Variants in TTC22 observed in about 807,000 individuals in gnomAD.
TTC22 encodes the protein tetratricopeptide repeat domain 22, also known as tetratricopeptide repeat protein 22.
A neutral mutation model predicts 48.2 loss-of-function variants in TTC22; 42 were observed. The observed-to-expected ratio is 0.87, with a 90% confidence interval of 0.68 to 1.13. The LOEUF (loss-of-function observed/expected upper bound fraction) is 1.13, where lower values mean the gene tolerates loss of function less well. TTC22 is among the 50% of genes most tolerant of loss of function. The pLI, the probability that TTC22 is intolerant of heterozygous loss-of-function variation, is 0.00. For synonymous variants in TTC22, 345 were observed against 365.5 expected (o/e 0.94, Z 0.64); for missense variants, 784 against 807.0 (o/e 0.97, Z 0.34).
intron 5 of TTC22, chr1:54,784,772 CT>C: frequency 7.7e-7 from 1 of 1,297,012 alleles, no homozygotes; most frequent in African/African-American, 1.5e-5. Flanking sequence ...GATGGGAGGA[CT>C]CTTCGGCTTG....
At chr1:54,782,829 TG>T (rs1646273164) in intron 5 of TTC22, among the ~76,000 whole-genome samples, 1 of 152,198 alleles carries the variant, frequency 6.6e-6, no homozygotes, top group South Asian at 2.1e-4. Flanking sequence ...GTCCCTGCTC[TG>T]GCAGAACTTA....
chr1:54,796,216 G>A (rs1042115952), intron 1 of TTC22, among the ~76,000 whole-genome samples: 5 of 152,282 alleles, frequency 3.3e-5, no homozygotes, highest in African/African-American at 1.2e-4. Context: ...GGACACGCAT[G>A]CGTGCATACC....
chr1:54,788,119 C>A (rs1030472774), intron 1 of TTC22, 22 bp from the exon 2 acceptor site: 1 of 1,612,402 alleles, frequency 6.2e-7, no homozygotes, highest in African/African-American at 1.3e-5. Context: ...GAGAACAGCC[C>A]ACACTGCCAT....
In TTC22 at chr1:54,785,692, A is replaced by G. The variant is rs1028467891; in HGVS notation, c.1020+291T>C. 1.9e-5 allele frequency: 8 copies of G among 416,908 alleles called. No individual in the cohort carries two copies. In the Admixed American group the frequency reaches 2.4e-4, roughly 12 times the overall value. 25.8% of individuals were successfully genotyped at this position (416,908 alleles called of 1,614,324 possible). Reference sequence around the variant, plus strand: ...GCTGGGTGTGGTGGTGTGCACCTGTAGTCCCAGCTATTTGGGAGGCTGAGG... The same window carrying G: ...GCTGGGTGTGGTGGTGTGCACCTGTGGTCCCAGCTATTTGGGAGGCTGAGG... On this transcript the variant is annotated intron_variant, in intron 5 of 6. Transcript: ENST00000371276.
At chr1:54,785,920 G>T in intron 5 of TTC22, 63 bp downstream of exon 5, 1 of 1,532,124 alleles carries the variant, frequency 6.5e-7, no homozygotes, top group Non-Finnish European at 8.9e-7. Flanking sequence ...CAGGGTCTTG[G>T]CCTCTGGCCC....
At chr1:54,791,387 C>A (rs1456897562) in intron 1 of TTC22, among the ~76,000 whole-genome samples, 1 of 152,134 alleles carries the variant, frequency 6.6e-6, no homozygotes. Context: ...GATGGGTGAC[C>A]TTGGGGGATG....
chr1:54,793,096 C>T (rs1646365012), intron 1 of TTC22: 1 of 152,212 alleles, frequency 6.6e-6, no homozygotes, highest in Admixed American at 6.5e-5. Flanking sequence ...CCACCTTTCT[C>T]TCATTCGATC....
intron 5 of TTC22, chr1:54,785,075 C>T (rs1209350898): frequency 5.3e-6 from 1 of 188,756 alleles, no homozygotes; most frequent in East Asian, 1.8e-4. Flanking sequence ...CATAACAACT[C>T]CAGTCTACAG....
chr1:54,782,462 A>G lies in TTC22; in HGVS notation c.1036T>C (p.Tyr346His), dbSNP rs893247867. The G allele has an allele frequency of 7.1e-6, 11 of 1,549,558 alleles. No homozygotes were observed. The highest frequency in any genetic ancestry group is 9.6e-6 in the Non-Finnish European group (11 of 1,145,958). ...TTGGCCCGCTTGAGGTCATGCAGGTAGGCTCTGATGTGGATCTGCCAACAG... is the reference window on the plus strand; with the variant it reads ...TTGGCCCGCTTGAGGTCATGCAGGTGGGCTCTGATGTGGATCTGCCAACAG... The part of the protein sequence containing the change: ...CTRAKIHIRA[Y>H]LHDLKRAKMG... Residue 346 changes from tyrosine to histidine, a missense_variant, in exon 6 of 7, where the codon TAC (tyrosine) becomes CAC (histidine). By Grantham distance (83) the Tyr-to-His change is moderately conservative. Transcript: ENST00000371276.
Position 54,781,713 on chromosome 1 carries a change from G to A in TTC22, c.1240C>T (p.Gln414Ter). 6.6e-7 allele frequency: 1 copy of A among 1,523,826 alleles called. No individual in the cohort carries two copies. The highest frequency in any genetic ancestry group is 8.8e-7 in the Non-Finnish European group (1 of 1,140,840). 94.4% of individuals were successfully genotyped at this position (1,523,826 alleles called of 1,614,324 possible). A position where few individuals can be genotyped will look rare whatever the true frequency, so the allele number is the denominator to read the frequency against. The change falls in exon 7 of 7, where the codon CAG (glutamine) becomes TAG (stop). Residue 414 changes from glutamine to a stop codon, truncating the protein, a stop_gained. Coordinates refer to ENST00000371276, the MANE Select transcript of TTC22 (RefSeq NM_001114108.2). LOFTEE classifies it high-confidence loss of function. ...LLAVDEAALN[Q>*]ALVFLAKAGE... ...GCCTTGGCCAGGAACACCAGCGCCT[G>A]GTTCAGCGCCGCCTCGTCCACCGCC...
chr1:54,800,682 A>T lies in TTC22; in HGVS notation c.482T>A (p.Val161Asp), dbSNP rs780187495. ...ACGCTCCTCTGGGCTGGCGCAGCCGACGTCGAAGCCATGCGCGTAGCCCTG... is the reference window on the plus strand; with the variant it reads ...ACGCTCCTCTGGGCTGGCGCAGCCGTCGTCGAAGCCATGCGCGTAGCCCTG... ...AEQGYAHGFD[V>D]GCASPEERAR... Residue 161 changes from valine to aspartate, a missense_variant, in exon 1 of 7, where the codon GTC becomes GAC. Val to Asp is a radical substitution (Grantham distance 152). Coordinates refer to ENST00000371276, the MANE Select transcript of TTC22 (RefSeq NM_001114108.2). 16 of 1,551,226 alleles carry T rather than the reference A, an allele frequency of 1.0e-5. No individual in the cohort carries two copies. The South Asian group carries it at 1.9e-4, about 18-fold the overall frequency.
chr1:54,788,823 C>T (rs1359217532), intron 1 of TTC22, among the ~76,000 whole-genome samples: 1 of 152,152 alleles, frequency 6.6e-6, no homozygotes, highest in Non-Finnish European at 1.5e-5. Context: ...CTACCCCCGT[C>T]CCCAGCAGCT....
chr1:54,796,194 G>A (rs774654223), intron 1 of TTC22, among the ~76,000 whole-genome samples: 4 of 152,242 alleles, frequency 2.6e-5, no homozygotes, highest in East Asian at 3.8e-4. Context: ...GTCTGTGCGC[G>A]TGCGCACGTG....
Position 54,781,145 on chromosome 1 carries a change from G to A in TTC22, c.*98C>T. ...AAGAATCGAACTGGCTCCGCTCCCA[G>A]GTCAGCCTAAGGCAGGGAGTCCATC... On this transcript the variant is annotated 3_prime_UTR_variant, in exon 7 of 7. Coordinates refer to ENST00000371276, the MANE Select transcript of TTC22 (RefSeq NM_001114108.2). The A allele has an allele frequency of 1.1e-6, 1 of 872,308 alleles. No homozygotes were observed. Among genetic ancestry groups the A allele is most frequent in the Non-Finnish European group, 1.6e-6 (1 of 636,382 alleles). The allele number at this position is 872,308 out of a possible 1,614,324, so 54.0% of individuals were successfully genotyped here. A position where few individuals can be genotyped will look rare whatever the true frequency, so the allele number is the denominator to read the frequency against.
At chr1:54,785,721 G>A in intron 5 of TTC22, 1 of 464,246 alleles carries the variant, frequency 2.2e-6, no homozygotes, top group Non-Finnish European at 4.0e-6. Context: ...GCTGAGGCGG[G>A]AGGATTGCTT....
rs1646260782 is a variant in TTC22 at position 54,781,404 on chromosome 1, G to A, written c.1549C>T (p.Leu517=). The A allele has an allele frequency of 7.2e-7, 1 of 1,395,960 alleles. No homozygotes were observed. Among genetic ancestry groups the A allele is most frequent in the African/African-American group, 1.5e-5 (1 of 65,570 alleles). The allele number at this position is 1,395,960 out of a possible 1,614,324, so 86.5% of individuals were successfully genotyped here. A position where few individuals can be genotyped will look rare whatever the true frequency, so the allele number is the denominator to read the frequency against. ...GTGTGCCCGCGCCACACGCGCTGCA[G>A]CTCCTGGCGCAGGCGCGCCGCGGGG... ...KYPAARLRQE[L]QRVWRGHTDE... The change falls in exon 7 of 7, where the codon CTG becomes TTG. Residue 517 remains leucine, a synonymous_variant. Coordinates refer to ENST00000371276, the MANE Select transcript of TTC22 (RefSeq NM_001114108.2).
chr1:54,798,542 G>A (rs1646409827), intron 1 of TTC22, among the ~76,000 whole-genome samples: 1 of 152,228 alleles, frequency 6.6e-6, no homozygotes, highest in East Asian at 1.9e-4. Context: ...ACACAGGCCT[G>A]TGATGAATGC....
At chr1:54,782,563 T>C in intron 5 of TTC22, 86 bp from the exon 6 acceptor site, 1 of 1,348,166 alleles carries the variant, frequency 7.4e-7, no homozygotes, top group Non-Finnish European at 9.9e-7. Flanking sequence ...CAGTCTTTTT[T>C]TCAACAGCAA....
rs1245225086 is a variant in TTC22 at position 54,782,464 on chromosome 1, G to C, written c.1034C>G (p.Ala345Gly). 3 of 1,547,226 alleles carry C rather than the reference G, an allele frequency of 1.9e-6. No homozygotes were observed. Among genetic ancestry groups the C allele is most frequent in the African/African-American group, 2.7e-5 (2 of 72,804 alleles). The stretch of plus-strand genomic sequence containing the variant: ...GGCCCGCTTGAGGTCATGCAGGTAG[G>C]CTCTGATGTGGATCTGCCAACAGAG... ...YCTRAKIHIR[A>G]YLHDLKRAKM... is the part of the protein sequence containing the mutation. Residue 345 changes from alanine (A) to glycine (G), a missense_variant, in exon 6 of 7, where the codon GCC becomes GGC. By Grantham distance (60) the Ala-to-Gly change is moderately conservative. Transcript: ENST00000371276.
Sources: gnomAD v4.1 joint callset for allele counts (sites outside exome capture counted in the v4.1 genomes callset) on GRCh38, gnomAD v4.1.1 for gene constraint, MANE v1.5 for transcripts, NCBI Gene and HGNC (gene_info 2026-07-23, HGNC 2026-07-21) for gene names.